The following ITIH2 variants were observed in gnomAD, a reference collection of about 807,000 sequenced individuals.
ITIH2 encodes inter-alpha-trypsin inhibitor heavy chain H2.
In ITIH2, 103 loss-of-function variants were observed where a neutral mutation model predicts 104.4. The ratio of observed to expected loss-of-function variants is 0.99; its 90% confidence interval spans 0.84 to 1.16. The LOEUF (loss-of-function observed/expected upper bound fraction) is 1.16, where lower values mean the gene tolerates loss of function less well. ITIH2 is among the 50% of genes most tolerant of loss of function. ITIH2 has a pLI of 0.00. For synonymous variants in ITIH2, 436 were observed against 435.4 expected, an observed-to-expected ratio of 1.00 and a Z score of -0.02; for missense variants, 1,108 against 1,162.4, an observed-to-expected ratio of 0.95 and a Z score of 0.68.
At chr10:7,715,148 C>T (rs866956719) in intron 5 of ITIH2, among the ~76,000 whole-genome samples, 3 of 152,134 alleles carry the variant, frequency 2.0e-5, no homozygotes, top group Admixed American at 6.5e-5. Context: ...GCCAGCCAGG[C>T]GTGGTGGCTC....
intron 16 of ITIH2, 69 bp from the exon 17 acceptor site, chr10:7,743,077 A>C (rs1010828357): frequency 2.6e-6 from 2 of 761,572 alleles, no homozygotes; most frequent in Non-Finnish European, 4.5e-6. Flanking sequence ...GATGTTCAGG[A>C]ATGACATAGT....
chr10:7,705,733 A>G (rs965272330), intron 2 of ITIH2, among the ~76,000 whole-genome samples: 37 of 150,146 alleles, frequency 2.5e-4, no homozygotes, highest in African/African-American at 8.5e-4. Flanking sequence ...ATACATGGCT[A>G]TGTGTTTTCT....
In ITIH2 at chr10:7,749,184, C is replaced by A. The variant is rs184272732; in HGVS notation, c.2694-3C>A. Reference sequence around the variant, plus strand: ...CCTAACCACATGCCTTGCTTCCTTGCAGGGGCTTACAGAAAGACTACAGAA... The same window carrying A: ...CCTAACCACATGCCTTGCTTCCTTGAAGGGGCTTACAGAAAGACTACAGAA... On this transcript the variant is annotated splice_polypyrimidine_tract_variant and splice_region_variant and intron_variant, in intron 20 of 20. Coordinates refer to ENST00000358415, the MANE Select transcript of ITIH2 (RefSeq NM_002216.3). 6.2e-5 allele frequency: 100 copies of A among 1,613,856 alleles called. No individual in the cohort carries two copies. The East Asian group carries it at 2.1e-3, about 33-fold the overall frequency.
chr10:7,708,706 A>G (rs1433347071), intron 3 of ITIH2, among the ~76,000 whole-genome samples: 1 of 152,024 alleles, frequency 6.6e-6, no homozygotes, highest in Non-Finnish European at 1.5e-5. Flanking sequence ...GACTTCCTCA[A>G]TCCAATCTGG....
intron 5 of ITIH2, among the ~76,000 whole-genome samples, chr10:7,714,165 ATTTTTTTTTT>A (rs996413668): frequency 8.3e-5 from 7 of 84,046 alleles, no homozygotes; most frequent in South Asian, 3.9e-4. Flanking sequence ...CACACTCACT[ATTTTTTTTTT>A]TTTTTTTTTT....
chr10:7,708,608 A>G (rs1471577135), intron 3 of ITIH2, among the ~76,000 whole-genome samples: 2 of 152,152 alleles, frequency 1.3e-5, no homozygotes, highest in Non-Finnish European at 2.9e-5. Flanking sequence ...TGTGACCCCT[A>G]CTAAAGATAC....
chr10:7,708,677 C>G (rs1228182168), intron 3 of ITIH2, among the ~76,000 whole-genome samples: 1 of 152,150 alleles, frequency 6.6e-6, no homozygotes, highest in African/African-American at 2.4e-5. Context: ...GATGGTCTTG[C>G]ATTTGGAGTT....
intron 15 of ITIH2, among the ~76,000 whole-genome samples, chr10:7,736,183 T>G (rs1466685264): frequency 6.6e-6 from 1 of 151,996 alleles, no homozygotes; most frequent in Non-Finnish European, 1.5e-5. Flanking sequence ...CTGGTCAACA[T>G]AGCAAAACCC....
chr10:7,746,068 TAAAAAAAAA>T (rs372266950), intron 19 of ITIH2, among the ~76,000 whole-genome samples: 3 of 35,796 alleles, frequency 8.4e-5, no homozygotes, highest in African/African-American at 1.8e-4. Flanking sequence ...ATCTTAAATT[TAAAAAAAAA>T]AAAAAAAAAA....
In ITIH2 at chr10:7,749,336, G is replaced by A; in HGVS notation, c.*2G>A. On this transcript the variant is annotated 3_prime_UTR_variant, in exon 21 of 21. Transcript: ENST00000358415. ...TACAGCTTTCTCAAACGGCCTTAAA[G>A]GTTTATAGTTTGGGAAATTATATAT... The A allele has an allele frequency of 1.9e-6, 3 of 1,612,510 alleles. No individual in the cohort carries two copies. The highest frequency in any genetic ancestry group is 2.2e-5 in the East Asian group (1 of 44,872).
chr10:7,734,967 G>T lies in ITIH2; in HGVS notation c.1833G>T (p.Ser611=), dbSNP rs368057084. 6.2e-7 allele frequency: 1 copy of T among 1,613,684 alleles called. No individual in the cohort carries two copies. Among genetic ancestry groups the T allele is most frequent in the Non-Finnish European group, 8.5e-7 (1 of 1,179,966 alleles). ...CCGCCAAGAGAAGAATTACAAGATC[G>T]ATCCTGCAGATGTCTCTAGACCACC... ...TAAAKRRITR[S]ILQMSLDHHI... is the part of the protein sequence containing the mutation. The change falls in exon 15 of 21, where the codon TCG becomes TCT. Residue 611 remains serine (S), a synonymous_variant. Coordinates refer to ENST00000358415, the MANE Select transcript of ITIH2 (RefSeq NM_002216.3).
At chr10:7,727,986 C>T (rs745310800) in intron 11 of ITIH2, among the ~76,000 whole-genome samples, 158 bp downstream of exon 11, 19 of 152,186 alleles carry the variant, frequency 1.2e-4, no homozygotes, top group Non-Finnish European at 2.5e-4. Flanking sequence ...CTGCAGCCCT[C>T]ACCCCTTAAG....
In ITIH2 at chr10:7,720,836, AT is replaced by A; in HGVS notation, c.631-16del. 1.4e-6 allele frequency: 2 copies of A among 1,455,732 alleles called. No homozygotes were observed. The highest frequency in any genetic ancestry group is 1.9e-6 in the Non-Finnish European group (2 of 1,037,836). 90.2% of individuals were successfully genotyped at this position (1,455,732 alleles called of 1,614,324 possible). A position where few individuals can be genotyped will look rare whatever the true frequency, so the allele number is the denominator to read the frequency against. On this transcript the variant is annotated intron_variant, in intron 6 of 20. Coordinates refer to ENST00000358415, the MANE Select transcript of ITIH2 (RefSeq NM_002216.3). ...TTAAAGACTTTTAATGCTTTGGGTA[AT>A]TTTCTCTTGCATCTCTAGGTAGATG... is the stretch of plus-strand genomic sequence containing the variant.
At position 7,723,507 on chromosome 10, in the gene ITIH2, CA is replaced by C; in HGVS notation, c.929del (p.Asn310ThrfsTer8). On this transcript the variant is annotated frameshift_variant, in exon 9 of 21. Transcript: ENST00000358415. LOFTEE classifies it high-confidence loss of function. ...CTCCTGACAACCTGGACCCAATTCC[CA>C]AAAACATCCTCTTTGTCATCGATGT... ...FAPDNLDPIP[K>X]NILFVIDVSG... 1 of 1,613,996 alleles carries C rather than the reference CA, an allele frequency of 6.2e-7. No individual in the cohort carries two copies. Among genetic ancestry groups the C allele is most frequent in the Non-Finnish European group, 8.5e-7 (1 of 1,179,926 alleles).
At chr10:7,736,770 G>A (rs1268681728) in intron 15 of ITIH2, among the ~76,000 whole-genome samples, 1 of 152,170 alleles carries the variant, frequency 6.6e-6, no homozygotes, top group Non-Finnish European at 1.5e-5. Context: ...CGAATGGATT[G>A]AAAGAGACAG....
chr10:7,737,605 CTATAGAATATTCTATATTA>C (rs1437923636), intron 15 of ITIH2, among the ~76,000 whole-genome samples: 22 of 121,270 alleles, frequency 1.8e-4, no homozygotes, highest in Middle Eastern at 6.1e-3. Context: ...ATTCTATATT[CTATAGAATATTCTATATTA>C]TATTCTATAT....
chr10:7,732,427 C>T lies in ITIH2; in HGVS notation c.1737C>T (p.Phe579=), dbSNP rs35080795. ...LSKDKHADPD[F]TRKLWAYLTI... ...AAGACAAGCATGCAGATCCCGATTT[C>T]ACCAGGAAACTGTGGGCCTATCTAA... is the stretch of plus-strand genomic sequence containing the variant. The change falls in exon 14 of 21, where the codon TTC becomes TTT. Residue 579 remains phenylalanine (F), a synonymous_variant. Coordinates refer to ENST00000358415, the MANE Select transcript of ITIH2 (RefSeq NM_002216.3). The T allele has an allele frequency of 1.0e-3, 1,622 of 1,614,116 alleles. 19 individuals are homozygous for T. The African/African-American group carries it at 0.02, about 20-fold the overall frequency.
At chr10:7,747,077 A>G (rs1159752030) in intron 20 of ITIH2, among the ~76,000 whole-genome samples, 1 of 152,230 alleles carries the variant, frequency 6.6e-6, no homozygotes, top group Non-Finnish European at 1.5e-5. Context: ...ACATCAGGCT[A>G]GAGTTTTCCT....
chr10:7,721,364 A>C (rs565977059), intron 7 of ITIH2, among the ~76,000 whole-genome samples: 1 of 152,306 alleles, frequency 6.6e-6, no homozygotes, highest in South Asian at 2.1e-4. Flanking sequence ...AAAACATTTC[A>C]CAAACTCTTT....
Sources: allele counts gnomAD v4.1 joint callset (sites outside exome capture counted in the v4.1 genomes callset), GRCh38; gene constraint gnomAD v4.1.1; transcripts MANE v1.5; gene names NCBI Gene and HGNC (gene_info 2026-07-23, HGNC 2026-07-21).